Variants in TAF8 observed in about 807,000 individuals in gnomAD.
TAF8 encodes transcription initiation factor TFIID subunit 8.
A neutral mutation model predicts 36.5 loss-of-function variants in TAF8; 47 were observed. The observed-to-expected ratio is 1.29, with a 90% CI of 1.02 to 1.64. The LOEUF (loss-of-function observed/expected upper bound fraction) is 1.64. Among genes scored for constraint, TAF8 ranks in the 40% most tolerant of loss-of-function variants. TAF8 has a pLI of 0.00. For synonymous variants in TAF8, 175 were observed against 159.5 expected, an observed-to-expected ratio of 1.10 and a Z score of -0.73; for missense variants, 420 against 407.6, an observed-to-expected ratio of 1.03 and a Z score of -0.26.
chr6:42,066,451 C>T lies in TAF8; in HGVS notation c.629C>T (p.Thr210Ile). The change falls in exon 6 of 9, where the codon ACA (threonine) becomes ATA (isoleucine). Residue 210 changes from threonine (T) to isoleucine (I), a missense_variant. Coordinates refer to ENST00000372977, the MANE Select transcript of TAF8 (RefSeq NM_138572.3). ...TQSLFKDDVS[T>I]FPLIAARPFT... ...AGTCTTTTCAAAGATGACGTCAGCA[C>T]ATTTCCATGTGAGAGTTGCCCCACT... 1 of 1,614,160 alleles carries T rather than the reference C, an allele frequency of 6.2e-7. No individual in the cohort carries two copies. The highest frequency in any genetic ancestry group is 8.5e-7 in the Non-Finnish European group (1 of 1,180,006).
rs1014567075 is a variant in TAF8, at chr6:42,081,851, A to T, written c.*4306A>T. 2.0e-5 allele frequency: 3 copies of T among 152,192 alleles called. No individual in the cohort carries two copies. Among genetic ancestry groups the T allele is most frequent in the African/African-American group, 7.2e-5 (3 of 41,444 alleles). The allele number at this position is 152,192 out of a possible 1,614,324, so 9.4% of individuals were successfully genotyped here. On this transcript the variant is annotated 3_prime_UTR_variant, in exon 9 of 9. Transcript: ENST00000372977. ...GCAAACTCCAGACCTGTGTCATTTA[A>T]TCTAAATGTGTCTATACGTATCTCT...
intron 4 of TAF8, chr6:42,056,265 G>A (rs1764985037): frequency 1.1e-5 from 4 of 367,314 alleles, no homozygotes; most frequent in Non-Finnish European, 1.5e-5. Flanking sequence ...AAGGGCAAAT[G>A]ATGCTGCTTG....
intron 5 of TAF8, among the ~76,000 whole-genome samples, chr6:42,066,004 G>A (rs777298303): frequency 7.2e-4 from 110 of 152,206 alleles, no homozygotes; most frequent in Non-Finnish European, 7.6e-4. Flanking sequence ...GGGTTCAAGC[G>A]ATTCTCCTGC....
chr6:42,084,410 C>T (rs1765996001), downstream of TAF8, among the ~76,000 whole-genome samples: 1 of 152,088 alleles, frequency 6.6e-6, no homozygotes, highest in Admixed American at 6.6e-5. Flanking sequence ...ATTATTATCC[C>T]CACTTACACA....
intron 7 of TAF8, among the ~76,000 whole-genome samples, chr6:42,074,020 GTGGTGCATGCCCA>G (rs1218321014): frequency 1.3e-5 from 2 of 152,190 alleles, no homozygotes; most frequent in Non-Finnish European, 2.9e-5. Context: ...GCCAGGTGTG[GTGGTGCATGCCCA>G]TAGTTGCAGT....
intron 7 of TAF8, among the ~76,000 whole-genome samples, chr6:42,075,920 A>C (rs1046969678): frequency 1.3e-5 from 2 of 152,252 alleles, no homozygotes; most frequent in Non-Finnish European, 2.9e-5. Flanking sequence ...AAAAATGAAC[A>C]GTAAAGCGGC....
chr6:42,067,430 G>T (rs555940051), intron 6 of TAF8, among the ~76,000 whole-genome samples: 1 of 152,084 alleles, frequency 6.6e-6, no homozygotes, highest in South Asian at 2.1e-4. Flanking sequence ...GGCCAGGTTG[G>T]TCTTGAACTC....
Position 42,080,296 on chromosome 6 carries a change from G to T in TAF8, c.*2751G>T. 4 of 986,928 alleles carry T rather than the reference G, an allele frequency of 4.1e-6. No homozygotes were observed. Among genetic ancestry groups the T allele is most frequent in the Non-Finnish European group, 4.8e-6 (4 of 831,000 alleles). 61.1% of individuals were successfully genotyped at this position (986,928 alleles called of 1,614,324 possible). Reference sequence around the variant, plus strand: ...CACCTGTTGAATGCAGATGTGCTGAGTTAGAGGTGGGATTTGGAAAAGGGC... The same window carrying T: ...CACCTGTTGAATGCAGATGTGCTGATTTAGAGGTGGGATTTGGAAAAGGGC... On this transcript the variant is annotated 3_prime_UTR_variant, in exon 9 of 9. Coordinates refer to ENST00000372977, the MANE Select transcript of TAF8 (RefSeq NM_138572.3).
At position 42,068,623 on chromosome 6, in the gene TAF8, T is replaced by C. The variant is rs377458564; in HGVS notation, c.780+16T>C. ...TATCAGCATGGTGGGTTCCACCTTC[T>C]GCCTACCTCAGAGTATCCCCCAAAC... is the stretch of plus-strand genomic sequence containing the variant. On this transcript the variant is annotated intron_variant, in intron 7 of 8. Coordinates refer to ENST00000372977, the MANE Select transcript of TAF8 (RefSeq NM_138572.3). 7.5e-6 allele frequency: 12 copies of C among 1,610,614 alleles called. No individual in the cohort carries two copies. The highest frequency in any genetic ancestry group is 8.5e-6 in the Non-Finnish European group (10 of 1,179,840).
chr6:42,068,235 C>G (rs1765434176), intron 6 of TAF8, among the ~76,000 whole-genome samples: 1 of 152,192 alleles, frequency 6.6e-6, no homozygotes, highest in Non-Finnish European at 1.5e-5. Context: ...TTGGGAAAGT[C>G]ATTTCACCTC....
At chr6:42,068,391 T>TGAGGC in intron 6 of TAF8, 74 bp from the exon 7 acceptor site, 2 of 1,554,242 alleles carry the variant, frequency 1.3e-6, no homozygotes, top group Non-Finnish European at 1.8e-6. Context: ...TGATTTGTTG[T>TGAGGC]GAGGCTCTAG....
At chr6:42,086,805 A>G (rs1766036318), downstream of TAF8, 1 of 1,490,762 alleles carries the variant, frequency 6.7e-7, no homozygotes, top group Non-Finnish European at 9.2e-7. Context: ...GAGCAGCCAC[A>G]AAGGTCAAGA....
At chr6:42,066,093 G>A (rs899256639) in intron 5 of TAF8, among the ~76,000 whole-genome samples, 2 of 152,132 alleles carry the variant, frequency 1.3e-5, no homozygotes, top group Non-Finnish European at 2.9e-5. Context: ...TAGAGACGGG[G>A]TTTCGTTATG....
downstream of TAF8, among the ~76,000 whole-genome samples, chr6:42,084,813 G>A (rs755137257): frequency 6.6e-6 from 1 of 152,228 alleles, no homozygotes; most frequent in Non-Finnish European, 1.5e-5. Flanking sequence ...AGAGGAAACA[G>A]AGACTTAGAG....
At chr6:42,065,961 T>C (rs758014208) in intron 5 of TAF8, among the ~76,000 whole-genome samples, 3 of 152,206 alleles carry the variant, frequency 2.0e-5, no homozygotes, top group Non-Finnish European at 4.4e-5. Flanking sequence ...AGTGCAATGA[T>C]GCAGTCTCGG....
intron 6 of TAF8, 77 bp downstream of exon 6, chr6:42,066,536 G>T: frequency 6.5e-7 from 1 of 1,541,550 alleles, no homozygotes. Flanking sequence ...CAGCATGGTA[G>T]GAAGAAACAA....
intron 5 of TAF8, among the ~76,000 whole-genome samples, chr6:42,064,264 T>TG (rs939556696): frequency 6.6e-6 from 1 of 151,704 alleles, no homozygotes; most frequent in Non-Finnish European, 1.5e-5. Context: ...GGTTTTTTTG[T>TG]GGGGGGTGGA....
chr6:42,068,339 C>T, intron 6 of TAF8, 126 bp from the exon 7 acceptor site: 1 of 1,019,826 alleles, frequency 9.8e-7, no homozygotes, highest in African/African-American at 1.6e-5. Flanking sequence ...TGTGTAAGTA[C>T]TTGGAGCGAG....
chr6:42,066,460 G>T lies in TAF8; in HGVS notation c.637+1G>T. 1 of 1,614,134 alleles carries T rather than the reference G, an allele frequency of 6.2e-7. No individual in the cohort carries two copies. Among genetic ancestry groups the T allele is most frequent in the Non-Finnish European group, 8.5e-7 (1 of 1,179,976 alleles). On this transcript the variant is annotated splice_donor_variant, in intron 6 of 8. Transcript: ENST00000372977. LOFTEE classifies it high-confidence loss of function. Reference sequence around the variant, plus strand: ...AAAGATGACGTCAGCACATTTCCATGTGAGAGTTGCCCCACTGTGTGGACC... The same window carrying T: ...AAAGATGACGTCAGCACATTTCCATTTGAGAGTTGCCCCACTGTGTGGACC...
Sources: gnomAD v4.1 joint callset for allele counts (sites outside exome capture counted in the v4.1 genomes callset) on GRCh38, gnomAD v4.1.1 for gene constraint, MANE v1.5 for transcripts, NCBI Gene and HGNC (gene_info 2026-07-23, HGNC 2026-07-21) for gene names.